The following STPG2 variants were observed in gnomAD, a reference collection of about 807,000 sequenced individuals.
The protein encoded by STPG2 is sperm tail PG-rich repeat containing 2.
A neutral mutation model predicts 54.2 loss-of-function variants in STPG2; 56 were observed. That is an observed-to-expected ratio of 1.03 (90% CI 0.83 to 1.29). The LOEUF (loss-of-function observed/expected upper bound fraction) is 1.29. Ranked by LOEUF, STPG2 falls within the 50% of genes most tolerant of loss-of-function variation. STPG2 has a pLI of 0.00. For synonymous variants in STPG2, 200 were observed against 181.8 expected (o/e 1.10, Z -0.81); for missense variants, 596 against 544.9 (o/e 1.09, Z -0.93).
At chr4:97,928,043 A>C (rs185816059) in intron 8 of STPG2, among the ~76,000 whole-genome samples, 1 of 152,264 alleles carries the variant, frequency 6.6e-6, no homozygotes, top group East Asian at 1.9e-4. Flanking sequence ...TCTTCCTTTC[A>C]ATCCTCTGGT....
chr4:97,914,429 T>C (rs1731798310), intron 8 of STPG2, among the ~76,000 whole-genome samples: 1 of 152,286 alleles, frequency 6.6e-6, no homozygotes, highest in South Asian at 2.1e-4. Context: ...ACTTTTTTTA[T>C]TGTTGTAAGA....
At chr4:97,739,778 C>G (rs533087896) in intron 9 of STPG2, among the ~76,000 whole-genome samples, 2 of 152,134 alleles carry the variant, frequency 1.3e-5, no homozygotes, top group African/African-American at 4.8e-5. Flanking sequence ...CAAATTCTAC[C>G]AGAGGTACAG....
At chr4:97,871,712 A>G (rs1463223121) in intron 8 of STPG2, among the ~76,000 whole-genome samples, 1 of 151,172 alleles carries the variant, frequency 6.6e-6, no homozygotes, top group African/African-American at 2.4e-5. Context: ...CGAAGTTGTT[A>G]TTACTGTTAA....
chr4:97,696,044 G>A (rs1310614387), intron 10 of STPG2, among the ~76,000 whole-genome samples: 1 of 151,732 alleles, frequency 6.6e-6, no homozygotes, highest in Non-Finnish European at 1.5e-5. Flanking sequence ...CAAAAAAAGA[G>A]CCCACATAGC....
At chr4:98,107,100 C>T (rs915278923) in intron 4 of STPG2, among the ~76,000 whole-genome samples, 1 of 152,086 alleles carries the variant, frequency 6.6e-6, no homozygotes, top group Non-Finnish European at 1.5e-5. Context: ...ACAAATAAAC[C>T]GCTTTCAAAC....
chr4:97,961,793 T>C (rs112642646), intron 7 of STPG2, among the ~76,000 whole-genome samples: 1,776 of 152,232 alleles, frequency 0.012, 30 homozygotes, highest in African/African-American at 0.041. Flanking sequence ...ATGGAAAACA[T>C]TATCGAGATT....
chr4:97,465,594 C>T (rs1222819320), intron 4 of STPG2, among the ~76,000 whole-genome samples: 1 of 151,786 alleles, frequency 6.6e-6, no homozygotes, highest in Non-Finnish European at 1.5e-5. Context: ...GGGATTGGTT[C>T]CAGGAACCCC....
chr4:97,992,363 C>T (rs189556840), intron 5 of STPG2, among the ~76,000 whole-genome samples: 166 of 152,200 alleles, frequency 1.1e-3, no homozygotes, highest in African/African-American at 3.5e-3. Context: ...GGTGTCCTTT[C>T]GCCACTTTAT....
intron 5 of STPG2, among the ~76,000 whole-genome samples, chr4:97,991,176 A>G (rs1734992325): frequency 6.6e-6 from 1 of 151,796 alleles, no homozygotes; most frequent in African/African-American, 2.4e-5. Flanking sequence ...TTCCTGGGTT[A>G]CTTCACTTAG....
rs890361236 is a variant in STPG2 at position 97,734,240 on chromosome 4, C to T, written c.1205-21426G>A. Reference sequence around the variant, plus strand: ...AAAGGATATTGAATTTTCTCATAGGCTTTATTTTTTATCACTTAGCTAATT... The same window carrying T: ...AAAGGATATTGAATTTTCTCATAGGTTTTATTTTTTATCACTTAGCTAATT... On this transcript the variant is annotated intron_variant, in intron 9 of 10. Coordinates refer to ENST00000295268, the MANE Select transcript of STPG2 (RefSeq NM_174952.3). Among the ~76,000 whole-genome samples the T allele has an allele frequency of 2.0e-5, 3 of 152,074 alleles. No individual in the cohort carries two copies. In the South Asian group the frequency reaches 6.2e-4, roughly 32 times the overall value.
intron 8 of STPG2, among the ~76,000 whole-genome samples, chr4:97,926,508 C>A (rs1454123483): frequency 6.6e-6 from 1 of 152,132 alleles, no homozygotes; most frequent in African/African-American, 2.4e-5. Flanking sequence ...CTCCACCTAT[C>A]CTGCTGGTCC....
intron 9 of STPG2, among the ~76,000 whole-genome samples, chr4:97,832,747 A>C (rs546274419): frequency 2.0e-5 from 3 of 152,136 alleles, no homozygotes; most frequent in Non-Finnish European, 4.4e-5. Context: ...TCATGAGTGA[A>C]CTCCTATTCA....
At chr4:97,592,719 A>G (rs777928918) in intron 10 of STPG2, among the ~76,000 whole-genome samples, 3 of 152,130 alleles carry the variant, frequency 2.0e-5, no homozygotes, top group Non-Finnish European at 2.9e-5. Flanking sequence ...GCTACTGTGC[A>G]CCAGAACTCG....
intron 10 of STPG2, among the ~76,000 whole-genome samples, chr4:97,615,669 T>C (rs1383080833): frequency 6.6e-6 from 1 of 152,060 alleles, no homozygotes; most frequent in Non-Finnish European, 1.5e-5. Flanking sequence ...ATATATCAAT[T>C]GTTTGTGGCC....
intron 10 of STPG2, among the ~76,000 whole-genome samples, chr4:97,563,924 G>C (rs1732339079): frequency 6.6e-6 from 1 of 152,190 alleles, no homozygotes; most frequent in African/African-American, 2.4e-5. Flanking sequence ...ATTTGTGGTG[G>C]AGAGTTCTGT....
intron 9 of STPG2, among the ~76,000 whole-genome samples, chr4:97,779,735 A>G (rs549769872): frequency 2.0e-3 from 302 of 152,332 alleles, no homozygotes; most frequent in African/African-American, 7.1e-3. Context: ...CGGATAACTC[A>G]GCAGAAACTC....
At chr4:97,550,827 T>C (rs1427760668) in intron 4 of STPG2, among the ~76,000 whole-genome samples, 1 of 152,104 alleles carries the variant, frequency 6.6e-6, no homozygotes, top group African/African-American at 2.4e-5. Context: ...TTACAGCTCT[T>C]AAAGGTGGTG....
intron 5 of STPG2, among the ~76,000 whole-genome samples, chr4:98,011,159 GTCCATGAGT>G (rs1170903953): frequency 6.6e-6 from 1 of 151,922 alleles, no homozygotes; most frequent in Non-Finnish European, 1.5e-5. Context: ...CCCTCCCTAT[GTCCATGAGT>G]TCTCATTGTT....
intron 8 of STPG2, among the ~76,000 whole-genome samples, chr4:97,885,324 T>C (rs1162739236): frequency 6.6e-6 from 1 of 152,156 alleles, no homozygotes; most frequent in Non-Finnish European, 1.5e-5. Context: ...TGTGAAAAGA[T>C]CTCTAATGCC....
Sources: gnomAD v4.1 joint callset for allele counts (sites outside exome capture counted in the v4.1 genomes callset) on GRCh38, gnomAD v4.1.1 for gene constraint, MANE v1.5 for transcripts, NCBI Gene and HGNC (gene_info 2026-07-23, HGNC 2026-07-21) for gene names.